ZZZ3: variants seen among roughly 807,000 people sequenced by gnomAD.
The protein encoded by ZZZ3 is ZZ-type zinc finger-containing protein 3.
In ZZZ3, 22 loss-of-function variants were observed where a neutral mutation model predicts 95.2. That is an observed-to-expected ratio of 0.23 (90% CI 0.17 to 0.33). The LOEUF (loss-of-function observed/expected upper bound fraction) is 0.33. Ranked by LOEUF, ZZZ3 falls within the 10% of genes least tolerant of loss-of-function variation. ZZZ3 has a pLI of 1.00. For synonymous variants in ZZZ3, 335 were observed against 358.9 expected, an observed-to-expected ratio of 0.93 and a Z score of 0.75; for missense variants, 885 against 1,066.5, an observed-to-expected ratio of 0.83 and a Z score of 2.37.
At chr1:77,608,847 C>T (rs376759165) in intron 5 of ZZZ3, among the ~76,000 whole-genome samples, 8 of 151,938 alleles carry the variant, frequency 5.3e-5, no homozygotes, top group African/African-American at 1.9e-4. Context: ...TAAAGATAGT[C>T]TCTGCAAGCC....
chr1:77,602,759 C>T (rs1664858514), intron 5 of ZZZ3, among the ~76,000 whole-genome samples: 2 of 151,986 alleles, frequency 1.3e-5, no homozygotes, highest in African/African-American at 4.8e-5. Flanking sequence ...ATGTGCATCA[C>T]CATATCTGGC....
At chr1:77,659,844 GTTTT>G (rs1288807633) in intron 1 of ZZZ3, among the ~76,000 whole-genome samples, 1 of 151,708 alleles carries the variant, frequency 6.6e-6, no homozygotes, top group African/African-American at 2.4e-5. Context: ...TTGTTTGTTT[GTTTT>G]TGAGTCAGGA....
chr1:77,565,747 A>G lies in ZZZ3; in HGVS notation c.2605T>C (p.Leu869=). 6.2e-7 allele frequency: 1 copy of G among 1,613,696 alleles called. No homozygotes were observed. Among genetic ancestry groups the G allele is most frequent in the Non-Finnish European group, 8.5e-7 (1 of 1,179,724 alleles). The part of the protein sequence containing the change: ...ETDIHKEDHQ[L]EPIYRSETFL... ...GTCTCTGACCTATAAATAGGTTCTA[A>G]TTGGTGATCTTCCTTGTGAATATCT... The change falls in exon 15 of 15, where the codon TTA becomes CTA. Residue 869 remains leucine (L), a synonymous_variant. Coordinates refer to ENST00000370801, the MANE Select transcript of ZZZ3 (RefSeq NM_015534.6).
At position 77,607,297 on chromosome 1, in the gene ZZZ3, G is replaced by C. The variant is rs114567139; in HGVS notation, c.1506-22642C>G. Among the ~76,000 whole-genome samples the C allele has an allele frequency of 9.8e-3, 1,486 of 152,204 alleles. 23 individuals carry two copies. The highest frequency in any genetic ancestry group is 0.034 in the African/African-American group (1,398 of 41,514). ...TGGGAGACTTACTACTACAAGAATA[G>C]TATGCAGGAAACCATCCCCATGATT... is the stretch of plus-strand genomic sequence containing the variant. On this transcript the variant is annotated intron_variant, in intron 5 of 14. Transcript: ENST00000370801.
At chr1:77,658,164 G>A (rs1237460275) in intron 1 of ZZZ3, among the ~76,000 whole-genome samples, 3 of 131,722 alleles carry the variant, frequency 2.3e-5, no homozygotes, top group Admixed American at 1.6e-4. Context: ...GGGCGACAGA[G>A]CGAGACTTTG....
chr1:77,608,969 G>A (rs1029555314), intron 5 of ZZZ3, among the ~76,000 whole-genome samples: 3 of 151,832 alleles, frequency 2.0e-5, no homozygotes, highest in Non-Finnish European at 4.4e-5. Context: ...AAAAAGACAC[G>A]AAGAGAGGAC....
At chr1:77,618,592 G>C (rs1043776811) in intron 5 of ZZZ3, among the ~76,000 whole-genome samples, 1 of 152,072 alleles carries the variant, frequency 6.6e-6, no homozygotes, top group Non-Finnish European at 1.5e-5. Flanking sequence ...GGTCTGCCTC[G>C]AATTTGTTTT....
At chr1:77,661,156 C>T (rs1334825594) in intron 1 of ZZZ3, among the ~76,000 whole-genome samples, 4 of 152,096 alleles carry the variant, frequency 2.6e-5, no homozygotes, top group Non-Finnish European at 5.9e-5. Flanking sequence ...TGGCTCATGC[C>T]TGTAATCCCA....
chr1:77,636,774 T>C (rs1487073621), intron 4 of ZZZ3, among the ~76,000 whole-genome samples: 1 of 150,388 alleles, frequency 6.6e-6, no homozygotes, highest in East Asian at 1.9e-4. Context: ...ATTCCACTGA[T>C]TAAAATATGA....
intron 1 of ZZZ3, among the ~76,000 whole-genome samples, chr1:77,661,418 CAAAACA>C (rs768192472): frequency 3.3e-5 from 5 of 151,712 alleles, no homozygotes; most frequent in Non-Finnish European, 5.9e-5. Flanking sequence ...CAACCAAAAC[CAAAACA>C]AAAACAAAAA....
At position 77,576,120 on chromosome 1, in the gene ZZZ3, T is replaced by A. The variant is rs1461198422; in HGVS notation, c.2279A>T (p.Asp760Val). Residue 760 changes from aspartate to valine, a missense_variant, in exon 12 of 15, where the codon GAT (aspartate) becomes GTT (valine). Coordinates refer to ENST00000370801, the MANE Select transcript of ZZZ3 (RefSeq NM_015534.6). ...HEPPVYMDED[D>V]DRSCFHSHMN... ...GTGGCTATGAAAACAAGATCGGTCA[T>A]CATCTTCATCCATATACACTGGCGG... 1 of 1,613,058 alleles carries A rather than the reference T, an allele frequency of 6.2e-7. No homozygotes were observed. Among genetic ancestry groups the A allele is most frequent in the Non-Finnish European group, 8.5e-7 (1 of 1,179,736 alleles).
At chr1:77,662,928 C>T (rs554764408) in intron 1 of ZZZ3, among the ~76,000 whole-genome samples, 2 of 152,034 alleles carry the variant, frequency 1.3e-5, no homozygotes, top group Admixed American at 6.6e-5. Flanking sequence ...AATATAGTGA[C>T]GCTCCGTCTC....
chr1:77,663,011 GAA>G (rs1670947060), intron 1 of ZZZ3, among the ~76,000 whole-genome samples: 3 of 151,926 alleles, frequency 2.0e-5, no homozygotes, highest in African/African-American at 7.2e-5. Context: ...AGGCTGACGT[GAA>G]AAGATTGCCT....
At chr1:77,662,609 T>C (rs1670899743) in intron 1 of ZZZ3, among the ~76,000 whole-genome samples, 1 of 152,184 alleles carries the variant, frequency 6.6e-6, no homozygotes, top group Non-Finnish European at 1.5e-5. Flanking sequence ...ATACCTGGCC[T>C]AATCTCTTAA....
At position 77,632,566 on chromosome 1, in the gene ZZZ3, G is replaced by T. The variant is rs368611525; in HGVS notation, c.789C>A (p.Asp263Glu). ...LDSRKEDSYIDHKVPCTDSQV... is the reference protein window; with the variant it reads ...LDSRKEDSYIEHKVPCTDSQV... ...GTGAATCTGTGCAAGGCACCTTATG[G>T]TCTATATAACTGTCCTCCTTCCTAC... Residue 263 changes from aspartate (D) to glutamate (E), a missense_variant, in exon 5 of 15, where the codon GAC becomes GAA. By Grantham distance (45) the Asp-to-Glu change is conservative (BLOSUM62 2). Coordinates refer to ENST00000370801, the MANE Select transcript of ZZZ3 (RefSeq NM_015534.6). 6.4e-5 allele frequency: 103 copies of T among 1,614,142 alleles called. No individual in the cohort carries two copies. The highest frequency in any genetic ancestry group is 8.3e-5 in the Admixed American group (5 of 60,022).
chr1:77,624,306 CT>C (rs771697038), intron 5 of ZZZ3, among the ~76,000 whole-genome samples: 6 of 152,102 alleles, frequency 3.9e-5, no homozygotes, highest in Non-Finnish European at 7.4e-5. Context: ...ATAGGAGACC[CT>C]TTTGTTCTAA....
intron 5 of ZZZ3, among the ~76,000 whole-genome samples, chr1:77,600,809 A>G (rs1664656509): frequency 6.6e-6 from 1 of 152,126 alleles, no homozygotes; most frequent in Admixed American, 6.5e-5. Context: ...GTGCTCTATA[A>G]AACCAAAACT....
At chr1:77,651,052 C>T (rs1368211405) in intron 1 of ZZZ3, among the ~76,000 whole-genome samples, 1 of 152,140 alleles carries the variant, frequency 6.6e-6, no homozygotes, top group Non-Finnish European at 1.5e-5. Flanking sequence ...CAAAAATTAA[C>T]TTAGGATGAA....
At chr1:77,637,056 G>C (rs564897883) in intron 4 of ZZZ3, among the ~76,000 whole-genome samples, 1 of 152,252 alleles carries the variant, frequency 6.6e-6, no homozygotes, top group South Asian at 2.1e-4. Flanking sequence ...CAGAATACGA[G>C]GCTCCGCCCC....
Sources: allele counts gnomAD v4.1 joint callset (sites outside exome capture counted in the v4.1 genomes callset), GRCh38; gene constraint gnomAD v4.1.1; transcripts MANE v1.5; gene names NCBI Gene and HGNC (gene_info 2026-07-23, HGNC 2026-07-21).